Variants in TTC28 observed in about 807,000 individuals in gnomAD.
TTC28 encodes tetratricopeptide repeat protein 28.
TTC28 carries 61 observed loss-of-function variants against 198.0 expected under a neutral mutation model. The observed-to-expected ratio is 0.31, with a 90% confidence interval of 0.25 to 0.38. The LOEUF (loss-of-function observed/expected upper bound fraction) is 0.38. TTC28 is among the 10% of genes least tolerant of loss of function. TTC28 has a pLI of 1.00. For synonymous variants in TTC28, 1,171 were observed against 1,297.8 expected, an observed-to-expected ratio of 0.90 and a Z score of 2.10; for missense variants, 2,678 against 3,164.0, an observed-to-expected ratio of 0.85 and a Z score of 3.69.
chr22:28,012,254 C>T (rs1251698491), intron 14 of TTC28, among the ~76,000 whole-genome samples: 3 of 152,330 alleles, frequency 2.0e-5, no homozygotes, highest in East Asian at 1.9e-4. Context: ...GGAGAATTCT[C>T]TGCAGTTTTG....
chr22:28,543,131 C>T (rs1384863735), intron 2 of TTC28, among the ~76,000 whole-genome samples: 1 of 152,082 alleles, frequency 6.6e-6, no homozygotes, highest in Non-Finnish European at 1.5e-5. Context: ...GTCCACGAGT[C>T]TGAGACCAGC....
At chr22:28,191,256 T>C (rs942570861) in intron 5 of TTC28, among the ~76,000 whole-genome samples, 1 of 152,168 alleles carries the variant, frequency 6.6e-6, no homozygotes. Context: ...ATAAAATAAA[T>C]GGAGAAATAA....
At chr22:28,285,387 C>A (rs951740163) in intron 5 of TTC28, among the ~76,000 whole-genome samples, 1 of 152,074 alleles carries the variant, frequency 6.6e-6, no homozygotes, top group African/African-American at 2.4e-5. Flanking sequence ...GAGAGTAGAA[C>A]AGTGGTTGCC....
intron 13 of TTC28, among the ~76,000 whole-genome samples, chr22:28,029,984 C>T (rs1028370107): frequency 1.1e-4 from 16 of 152,196 alleles, no homozygotes; most frequent in Admixed American, 1.3e-4. Context: ...GGACTCCTAT[C>T]CCAGCCAAAT....
At chr22:27,989,613 ATTTT>A (rs1039804927) in intron 21 of TTC28, among the ~76,000 whole-genome samples, 1 of 151,906 alleles carries the variant, frequency 6.6e-6, no homozygotes, top group African/African-American at 2.4e-5. Flanking sequence ...TGCCCGGCTA[ATTTT>A]TTTTAATTTT....
At chr22:28,555,568 T>G (rs752803951) in intron 2 of TTC28, among the ~76,000 whole-genome samples, 1 of 152,214 alleles carries the variant, frequency 6.6e-6, no homozygotes, top group Non-Finnish European at 1.5e-5. Flanking sequence ...TTGGAGACTA[T>G]TATTCTAGGT....
chr22:28,320,283 T>C (rs1190514049), intron 2 of TTC28, among the ~76,000 whole-genome samples: 1 of 151,178 alleles, frequency 6.6e-6, no homozygotes, highest in African/African-American at 2.4e-5. Flanking sequence ...TTTTTTGGCA[T>C]GACTTTACAC....
chr22:28,164,628 A>C (rs1272242108), intron 5 of TTC28, among the ~76,000 whole-genome samples: 1 of 152,208 alleles, frequency 6.6e-6, no homozygotes, highest in Non-Finnish European at 1.5e-5. Context: ...GACATCCACA[A>C]CAAAAACCCA....
Position 28,353,216 on chromosome 22 carries a change from G to A in TTC28, c.382-46573C>T, listed in dbSNP as rs146162252. On this transcript the variant is annotated intron_variant, in intron 2 of 22. Transcript: ENST00000397906. Reference sequence around the variant, plus strand: ...AAGTTAATAGAGAGAAAAATGTATTGCCTTATATGTTGCAAGCCAATGAGG... The same window carrying A: ...AAGTTAATAGAGAGAAAAATGTATTACCTTATATGTTGCAAGCCAATGAGG... 7.9e-5 allele frequency among the ~76,000 whole-genome samples: 12 copies of A among 152,226 alleles called. No individual in the cohort carries two copies. The East Asian group carries it at 2.3e-3, about 29-fold the overall frequency.
intron 13 of TTC28, among the ~76,000 whole-genome samples, chr22:28,018,385 A>G (rs1473115546): frequency 6.6e-6 from 1 of 151,948 alleles, no homozygotes; most frequent in Non-Finnish European, 1.5e-5. Flanking sequence ...GTTGGTAATT[A>G]TGAAACAACA....
At chr22:28,087,301 C>A (rs1359676862) in intron 12 of TTC28, among the ~76,000 whole-genome samples, 3 of 152,006 alleles carry the variant, frequency 2.0e-5, no homozygotes, top group East Asian at 1.9e-4. Flanking sequence ...CACATCAAAA[C>A]GCTTATCCAC....
chr22:28,645,689 A>G (rs2051452285), intron 1 of TTC28, among the ~76,000 whole-genome samples: 1 of 152,070 alleles, frequency 6.6e-6, no homozygotes, highest in Admixed American at 6.6e-5. Context: ...GGATGCTGGG[A>G]TGGTTCAACA....
chr22:28,015,509 A>T (rs1482811518), intron 13 of TTC28, among the ~76,000 whole-genome samples: 1 of 151,084 alleles, frequency 6.6e-6, no homozygotes, highest in African/African-American at 2.4e-5. Context: ...TGCAGCCTCA[A>T]CCTCCTGGGC....
chr22:28,581,826 C>A (rs1398689759), intron 2 of TTC28, among the ~76,000 whole-genome samples: 1 of 152,084 alleles, frequency 6.6e-6, no homozygotes, highest in Non-Finnish European at 1.5e-5. Context: ...TTGGCATAAT[C>A]TTACAAATAA....
chr22:28,116,812 G>C (rs1468817643), intron 6 of TTC28, among the ~76,000 whole-genome samples: 1 of 152,182 alleles, frequency 6.6e-6, no homozygotes, highest in Non-Finnish European at 1.5e-5. Context: ...AGCCTACAAA[G>C]TGTAGTCAAG....
At chr22:28,519,278 T>G (rs1273379347) in intron 2 of TTC28, among the ~76,000 whole-genome samples, 1 of 152,216 alleles carries the variant, frequency 6.6e-6, no homozygotes, top group Non-Finnish European at 1.5e-5. Flanking sequence ...AAGGTCTTAT[T>G]TCTCTTCTGG....
chr22:28,153,223 T>G (rs2147023873), intron 6 of TTC28, among the ~76,000 whole-genome samples: 1 of 152,012 alleles, frequency 6.6e-6, no homozygotes, highest in East Asian at 1.9e-4. Flanking sequence ...ACTATCATTT[T>G]GCTGCACTGT....
chr22:27,982,315 G>A lies in TTC28; in HGVS notation c.7352C>T (p.Pro2451Leu). The change falls in exon 23 of 23, where the codon CCC becomes CTC. Residue 2451 changes from proline to leucine, a missense_variant. Physicochemically the swap from Pro to Leu is moderately conservative, Grantham distance 98. Around this residue, in one of 8 missense-constraint regions of TTC28, gnomAD observed 622 missense variants for 656.0 expected, o/e 0.95. Transcript: ENST00000397906. This position sits in a 1 kb window ranked among gnomAD's most constrained non-coding sequence, Gnocchi z 5.2. Reference sequence around the variant, plus strand: ...CAAAGGGCGCGCGGGGGCTGTGGCGGGAGGGCCGGCGGGCAGCGGCAGTGA... The same window carrying A: ...CAAAGGGCGCGCGGGGGCTGTGGCGAGAGGGCCGGCGGGCAGCGGCAGTGA... ...LGSLPLPAGP[P>L]ATAPARPLRL... The A allele has an allele frequency of 6.5e-7, 1 of 1,526,944 alleles. No homozygotes were observed. The highest frequency in any genetic ancestry group is 8.8e-7 in the Non-Finnish European group (1 of 1,133,898). The allele number at this position is 1,526,944 out of a possible 1,614,324, so 94.6% of individuals were successfully genotyped here. A position where few individuals can be genotyped will look rare whatever the true frequency, so the allele number is the denominator to read the frequency against.
intron 2 of TTC28, among the ~76,000 whole-genome samples, chr22:28,419,672 A>G (rs1018263923): frequency 6.6e-6 from 1 of 152,240 alleles, no homozygotes; most frequent in South Asian, 2.1e-4. Flanking sequence ...TCTACATGCT[A>G]ATTAAACTAG....
Sources: allele counts gnomAD v4.1 joint callset (sites outside exome capture counted in the v4.1 genomes callset), GRCh38; gene constraint gnomAD v4.1.1; regional missense constraint gnomAD v4.1.1; non-coding constraint Gnocchi (gnomAD v3.1); transcripts MANE v1.5; gene names NCBI Gene and HGNC (gene_info 2026-07-23, HGNC 2026-07-21).